The following RNF216 variants were observed in gnomAD, a reference collection of about 807,000 sequenced individuals.
RNF216 encodes ring finger protein 216.
RNF216 carries 72 observed loss-of-function variants against 110.8 expected under a neutral mutation model. The ratio of observed to expected loss-of-function variants is 0.65; its 90% confidence interval spans 0.54 to 0.79. The LOEUF (loss-of-function observed/expected upper bound fraction) is 0.79, where lower values mean the gene tolerates loss of function less well. RNF216 is among the 30% of genes least tolerant of loss of function. The probability of loss-of-function intolerance (pLI) is 0.00; values close to 1 mark genes in which losing one functional copy is unlikely to be tolerated. For synonymous variants in RNF216, 495 were observed against 407.5 expected (o/e 1.21, Z -2.59); for missense variants, 1,342 against 1,141.2 (o/e 1.18, Z -2.54).
intron 4 of RNF216, chr7:5,739,554 A>G (rs1794633634): frequency 1.5e-6 from 1 of 654,980 alleles, no homozygotes; most frequent in East Asian, 3.0e-5. Flanking sequence ...AAAGGTCTTG[A>G]GAGATCTGGT....
At chr7:5,714,262 A>G (rs1336881251) in intron 11 of RNF216, among the ~76,000 whole-genome samples, 2 of 147,096 alleles carry the variant, frequency 1.4e-5, no homozygotes, top group East Asian at 2.0e-4. Context: ...CGCCTGGCCT[A>G]TTTTTCTTTT....
At chr7:5,666,938 C>G (rs1476142700) in intron 13 of RNF216, among the ~76,000 whole-genome samples, 23 of 152,074 alleles carry the variant, frequency 1.5e-4, no homozygotes. Context: ...CCTCAGTGCC[C>G]AGAGTAGCTG....
rs1481788249 is a variant in RNF216, at chr7:5,641,377, C to G, written c.2160-1G>C. 6.2e-7 allele frequency: 1 copy of G among 1,610,154 alleles called. No homozygotes were observed. ...GCGGGCAGCAGTCATTTTTTCTTCA[C>G]TGAAATAAGAAAACATAATTTGGAG... On this transcript the variant is annotated splice_acceptor_variant, in intron 14 of 16. Transcript: ENST00000389902. LOFTEE classifies it high-confidence loss of function.
At chr7:5,728,062 C>T (rs1001266426) in intron 7 of RNF216, among the ~76,000 whole-genome samples, 12 of 152,132 alleles carry the variant, frequency 7.9e-5, no homozygotes, top group African/African-American at 2.9e-4. Flanking sequence ...TGGCAACCAA[C>T]GTTTCCCAGA....
chr7:5,698,728 C>T (rs1377729308), intron 13 of RNF216, among the ~76,000 whole-genome samples: 1 of 152,110 alleles, frequency 6.6e-6, no homozygotes, highest in East Asian at 1.9e-4. Context: ...AGTCTGTTTT[C>T]CCAGAGAAGC....
intron 9 of RNF216, among the ~76,000 whole-genome samples, chr7:5,718,241 C>A (rs1276361320): frequency 6.6e-6 from 1 of 151,908 alleles, no homozygotes; most frequent in Non-Finnish European, 1.5e-5. Flanking sequence ...ATTAGCCAGG[C>A]ATGGTGGGGC....
At chr7:5,655,443 C>A (rs1000008517) in intron 13 of RNF216, among the ~76,000 whole-genome samples, 3 of 152,176 alleles carry the variant, frequency 2.0e-5, no homozygotes, top group Admixed American at 2.0e-4. Context: ...ACTAAAAATA[C>A]AAAAATTAGC....
At chr7:5,632,037 G>T (rs1339069033) in intron 15 of RNF216, among the ~76,000 whole-genome samples, 1 of 152,246 alleles carries the variant, frequency 6.6e-6, no homozygotes, top group Non-Finnish European at 1.5e-5. Context: ...TGAGGCCAGG[G>T]CAGGAGGTCT....
chr7:5,738,801 T>C (rs1255078492), intron 5 of RNF216, among the ~76,000 whole-genome samples: 2 of 151,808 alleles, frequency 1.3e-5, no homozygotes, highest in African/African-American at 4.8e-5. Context: ...GAAGAAAATG[T>C]CTTAACATCT....
rs1228772284 is a variant in RNF216, at chr7:5,624,012, C to A, written c.2452+44G>T. 4 of 1,562,396 alleles carry A rather than the reference C, an allele frequency of 2.6e-6. No homozygotes were observed. The Admixed American group carries it at 6.9e-5, about 27-fold the overall frequency. On this transcript the variant is annotated intron_variant, in intron 16 of 16. Coordinates refer to ENST00000389902, the MANE Select transcript of RNF216 (RefSeq NM_207111.4). This position sits in a 1 kb window ranked among gnomAD's most constrained non-coding sequence, Gnocchi z 4.4. ...GGGAGGCCAGCAGAAGCCTGCATGG[C>A]CTGGCTGCTGCTCTGTCCTGGGGGC...
At chr7:5,764,883 C>G (rs1305653815) in intron 1 of RNF216, among the ~76,000 whole-genome samples, 1 of 151,730 alleles carries the variant, frequency 6.6e-6, no homozygotes, top group Non-Finnish European at 1.5e-5. Context: ...CCTGAGCAAA[C>G]TTGGTGAGAC....
intron 13 of RNF216, among the ~76,000 whole-genome samples, chr7:5,701,439 C>T (rs768442220): frequency 2.0e-5 from 3 of 152,198 alleles, no homozygotes; most frequent in Admixed American, 1.3e-4. Context: ...TGAGGCCGCA[C>T]ATCTGCACAC....
At chr7:5,693,723 A>G (rs935731494) in intron 13 of RNF216, among the ~76,000 whole-genome samples, 3 of 152,152 alleles carry the variant, frequency 2.0e-5, no homozygotes, top group East Asian at 1.9e-4. Context: ...GTGTTGTTCT[A>G]AAGTTAGGCA....
chr7:5,654,241 G>A (rs923218160), intron 13 of RNF216, among the ~76,000 whole-genome samples: 1 of 149,244 alleles, frequency 6.7e-6, no homozygotes, highest in African/African-American at 2.5e-5. Flanking sequence ...GTGTAGAGAT[G>A]AGTCGCCGTG....
rs1199348703 is a variant in RNF216 at position 5,624,049 on chromosome 7, C to T, written c.2452+7G>A. 2 of 1,612,384 alleles carry T rather than the reference C, an allele frequency of 1.2e-6. No homozygotes were observed. Among genetic ancestry groups the T allele is most frequent in the Non-Finnish European group, 1.7e-6 (2 of 1,179,332 alleles). ...TCTGTCCTGGGGGCCTGGGGAGGGG[C>T]ACTTGCCTCCATTCTTTCTTTTCTG... On this transcript the variant is annotated splice_region_variant and intron_variant, in intron 16 of 16. Transcript: ENST00000389902. The surrounding 1 kb of genome is among the most constrained non-coding windows in gnomAD (Gnocchi z 4.4).
rs1788720300 is a variant in RNF216, at chr7:5,656,050, C to T, written c.2062-3540G>A. Among the ~76,000 whole-genome samples, 3 of 152,084 alleles carry T rather than the reference C, an allele frequency of 2.0e-5. No individual in the cohort carries two copies. In the South Asian group the frequency reaches 6.2e-4, roughly 32 times the overall value. On this transcript the variant is annotated intron_variant, in intron 13 of 16. Coordinates refer to ENST00000389902, the MANE Select transcript of RNF216 (RefSeq NM_207111.4). ...TTGGAAGGCTGAGGGGAGCGGATTA[C>T]CTGAGGTCAGGAGTTTGAGACCAGC... is the stretch of plus-strand genomic sequence containing the variant.
chr7:5,710,083 G>C (rs1792570128), intron 13 of RNF216, among the ~76,000 whole-genome samples: 2 of 152,184 alleles, frequency 1.3e-5, no homozygotes, highest in South Asian at 2.1e-4. Context: ...CTTCAGGCTG[G>C]GGGTGGTGGC....
chr7:5,629,720 G>A (rs890979040), intron 15 of RNF216, among the ~76,000 whole-genome samples: 3 of 151,642 alleles, frequency 2.0e-5, no homozygotes, highest in South Asian at 2.1e-4. Context: ...TCAACTACTC[G>A]GGAGGCTGAG....
In RNF216 at chr7:5,727,827, G is replaced by A. The variant is rs201036560; in HGVS notation, c.1389+1605C>T. Among the ~76,000 whole-genome samples, 203 of 150,840 alleles carry A rather than the reference G, an allele frequency of 1.3e-3. 5 individuals are homozygous for A. In the South Asian group the frequency reaches 0.04, roughly 30 times the overall value. On this transcript the variant is annotated intron_variant, in intron 7 of 16. Transcript: ENST00000389902. ...TGCCTGCCTCCTCCGCTTGGTCTTT[G>A]CATGTCAGGAGTCCTCTCTTCTCAC...
Sources: allele counts gnomAD v4.1 joint callset (sites outside exome capture counted in the v4.1 genomes callset), GRCh38; gene constraint gnomAD v4.1.1; non-coding constraint Gnocchi (gnomAD v3.1); transcripts MANE v1.5; gene names NCBI Gene and HGNC (gene_info 2026-07-23, HGNC 2026-07-21).